The following ATP6V1G1 variants were observed in gnomAD, a reference collection of about 807,000 sequenced individuals.
ATP6V1G1 encodes the protein V-type proton ATPase subunit G 1.
A neutral mutation model predicts 14.2 loss-of-function variants in ATP6V1G1; 14 were observed. The observed-to-expected ratio is 0.99, with a 90% CI of 0.65 to 1.55. The LOEUF (loss-of-function observed/expected upper bound fraction) is 1.55, where lower values mean the gene tolerates loss of function less well. ATP6V1G1 is among the 40% of genes most tolerant of loss of function. The pLI is 0.00. For synonymous variants in ATP6V1G1, 65 were observed against 53.3 expected, an observed-to-expected ratio of 1.22 and a Z score of -0.96; for missense variants, 137 against 146.4, an observed-to-expected ratio of 0.94 and a Z score of 0.33.
intron 1 of ATP6V1G1, among the ~76,000 whole-genome samples, chr9:114,590,382 A>G (rs909112416): frequency 1.3e-5 from 2 of 151,546 alleles, no homozygotes; most frequent in African/African-American, 4.8e-5. Flanking sequence ...TCAGGCTCCC[A>G]AGTAGCTGGG....
chr9:114,592,675 T>C, intron 2 of ATP6V1G1, 23 bp downstream of exon 2: 1 of 1,556,192 alleles, frequency 6.4e-7, no homozygotes, highest in East Asian at 2.4e-5. Context: ...TTGTTTTTGT[T>C]ACTGCTTTAG....
At chr9:114,590,603 A>T (rs1456703722) in intron 1 of ATP6V1G1, among the ~76,000 whole-genome samples, 1 of 151,848 alleles carries the variant, frequency 6.6e-6, no homozygotes, top group East Asian at 1.9e-4. Context: ...GTTAATAGTT[A>T]GGAACAGAGA....
chr9:114,588,125 T>C, intron 1 of ATP6V1G1: 1 of 610,414 alleles, frequency 1.6e-6, no homozygotes, highest in Non-Finnish European at 2.9e-6. Context: ...GATGGTAAAT[T>C]GGGCGTGGAA....
chr9:114,588,941 G>C (rs767760802), intron 1 of ATP6V1G1, among the ~76,000 whole-genome samples: 15 of 152,180 alleles, frequency 9.9e-5, no homozygotes, highest in Non-Finnish European at 1.6e-4. Flanking sequence ...GGCTCTTGTG[G>C]GTCAGGCCTG....
In ATP6V1G1 at chr9:114,597,628, T is replaced by C. The variant is rs1845253416; in HGVS notation, c.242T>C (p.Met81Thr). The change falls in exon 3 of 3, where the codon ATG (methionine) becomes ACG (threonine). Residue 81 changes from methionine (M) to threonine (T), a missense_variant. Physicochemically the swap from Met to Thr is moderately conservative, Grantham distance 81. Transcript: ENST00000374050. Reference protein sequence around the residue: ...TEVEKETQEKMTILQTYFRQN... With the variant: ...TEVEKETQEKTTILQTYFRQN... ...GTGGAGAAGGAGACCCAGGAGAAGATGACCATCCTCCAGACATACTTCCGG... is the reference window on the plus strand; with the variant it reads ...GTGGAGAAGGAGACCCAGGAGAAGACGACCATCCTCCAGACATACTTCCGG... The C allele has an allele frequency of 1.9e-6, 3 of 1,586,044 alleles. No individual in the cohort carries two copies. In the African/African-American group the frequency reaches 4.1e-5, roughly 22 times the overall value.
intron 2 of ATP6V1G1, among the ~76,000 whole-genome samples, chr9:114,594,498 C>G (rs1589313590): frequency 6.6e-6 from 1 of 151,934 alleles, no homozygotes; most frequent in Non-Finnish European, 1.5e-5. Flanking sequence ...ATTCTCCTGC[C>G]TCAGCCTCCC....
chr9:114,593,833 G>A (rs367619675), intron 2 of ATP6V1G1, among the ~76,000 whole-genome samples: 3 of 152,058 alleles, frequency 2.0e-5, no homozygotes, highest in African/African-American at 7.2e-5. Flanking sequence ...ACTCACACCT[G>A]TAATCCCAAT....
chr9:114,591,502 G>A (rs1845181899), intron 1 of ATP6V1G1, among the ~76,000 whole-genome samples: 1 of 152,334 alleles, frequency 6.6e-6, no homozygotes, highest in African/African-American at 2.4e-5. Context: ...GCAGACAGTA[G>A]TAGGCCAGAA....
intron 1 of ATP6V1G1, among the ~76,000 whole-genome samples, chr9:114,588,739 C>G (rs759825263): frequency 4.6e-5 from 7 of 152,082 alleles, no homozygotes; most frequent in Admixed American, 2.0e-4. Flanking sequence ...TGGAAGAACC[C>G]GTTCTGGTCC....
chr9:114,589,473 T>A (rs1052222408), intron 1 of ATP6V1G1, among the ~76,000 whole-genome samples: 1 of 152,106 alleles, frequency 6.6e-6, no homozygotes, highest in African/African-American at 2.4e-5. Context: ...GTGTTTCTCC[T>A]AGTATAGGAG....
intron 2 of ATP6V1G1, among the ~76,000 whole-genome samples, chr9:114,596,632 G>A (rs1056746925): frequency 3.3e-5 from 5 of 152,056 alleles, no homozygotes; most frequent in African/African-American, 1.2e-4. Flanking sequence ...TCTTCCTTGT[G>A]TTTGTTATTC....
At position 114,597,766 on chromosome 9, in the gene ATP6V1G1, G is replaced by C. The variant is rs1845255590; in HGVS notation, c.*23G>C. 1 of 1,503,044 alleles carries C rather than the reference G, an allele frequency of 6.7e-7. No individual in the cohort carries two copies. Among genetic ancestry groups the C allele is most frequent in the Non-Finnish European group, 8.9e-7 (1 of 1,129,914 alleles). The allele number at this position is 1,503,044 out of a possible 1,614,324, so 93.1% of individuals were successfully genotyped here. The stretch of plus-strand genomic sequence containing the variant: ...TAGAAGAGAGAAGCACCTGTGCTGT[G>C]GAGTGGCATTTTAGATGCCCTCACG... On this transcript the variant is annotated 3_prime_UTR_variant, in exon 3 of 3. Transcript: ENST00000374050.
rs139067587 is a variant in ATP6V1G1 at position 114,597,680 on chromosome 9, C to A, written c.294C>A (p.Asn98Lys). Residue 98 changes from asparagine (N) to lysine (K), a missense_variant, in exon 3 of 3, where the codon AAC becomes AAA. Physicochemically the swap from Asn to Lys is moderately conservative, Grantham distance 94. Transcript: ENST00000374050. ...FRQNRDEVLD[N>K]LLAFVCDIRP... is the part of the protein sequence containing the mutation. Reference sequence around the variant, plus strand: ...AGAACAGGGATGAAGTCTTGGACAACCTCTTGGCTTTTGTCTGTGACATTC... The same window carrying A: ...AGAACAGGGATGAAGTCTTGGACAAACTCTTGGCTTTTGTCTGTGACATTC... 1.9e-6 allele frequency: 3 copies of A among 1,594,108 alleles called. No homozygotes were observed. Among genetic ancestry groups the A allele is most frequent in the Non-Finnish European group, 2.6e-6 (3 of 1,172,676 alleles).
intron 1 of ATP6V1G1, 87 bp downstream of exon 1, chr9:114,588,007 A>C (rs1379274117): frequency 7.1e-7 from 1 of 1,401,182 alleles, no homozygotes; most frequent in Non-Finnish European, 9.8e-7. Context: ...AGGCCCGAAA[A>C]ACTGCGGGGT....
Position 114,597,757 on chromosome 9 carries a change from C to T in ATP6V1G1, c.*14C>T, listed in dbSNP as rs773744869. On this transcript the variant is annotated 3_prime_UTR_variant, in exon 3 of 3. Transcript: ENST00000374050. ...ATAAATGGATAGAAGAGAGAAGCAC[C>T]TGTGCTGTGGAGTGGCATTTTAGAT... is the stretch of plus-strand genomic sequence containing the variant. 1.3e-6 allele frequency: 2 copies of T among 1,548,822 alleles called. No homozygotes were observed. Among genetic ancestry groups the T allele is most frequent in the Admixed American group, 2.2e-5 (1 of 45,400 alleles).
rs1845138411 is a variant in ATP6V1G1, at chr9:114,587,848, C to T, written c.10C>T (p.Gln4Ter). The change falls in exon 1 of 3, where the codon CAG becomes TAG. Residue 4 changes from glutamine (Q) to a stop codon, truncating the protein, a stop_gained. Coordinates refer to ENST00000374050, the MANE Select transcript of ATP6V1G1 (RefSeq NM_004888.4). LOFTEE classifies it high-confidence loss of function. MAS[Q>*]SQGIQQLLQA... ...CAGAATCGCTGCCGCCATGGCTAGT[C>T]AGTCTCAGGGGATTCAGCAGCTGCT... 1.3e-6 allele frequency: 2 copies of T among 1,592,464 alleles called. No homozygotes were observed. Among genetic ancestry groups the T allele is most frequent in the Admixed American group, 3.6e-5 (2 of 56,326 alleles).
intron 1 of ATP6V1G1, among the ~76,000 whole-genome samples, chr9:114,588,590 C>T (rs906251938): frequency 6.6e-6 from 1 of 151,604 alleles, no homozygotes; most frequent in South Asian, 2.1e-4. Flanking sequence ...AGTTGTCTCC[C>T]CTAACGTGGC....
rs1286443326 is a variant in ATP6V1G1, at chr9:114,598,694, T to A, written c.*951T>A. Among the ~76,000 whole-genome samples the A allele has an allele frequency of 6.6e-6, 1 of 152,236 alleles. No homozygotes were observed. Among genetic ancestry groups the A allele is most frequent in the Non-Finnish European group, 1.5e-5 (1 of 68,044 alleles). ...CATATTTCCTTCCTGGTGGGCTAGA[T>A]GATGTGCATTATACCTGTAGTACCT... On this transcript the variant is annotated 3_prime_UTR_variant, in exon 3 of 3. Transcript: ENST00000374050.
At chr9:114,594,861 CTTTT>C (rs71997716) in intron 2 of ATP6V1G1, among the ~76,000 whole-genome samples, 10 of 110,566 alleles carry the variant, frequency 9.0e-5, no homozygotes, top group Non-Finnish European at 1.4e-4. Flanking sequence ...TTCTTTTTTT[CTTTT>C]TTTTTTTTTT....
Sources: allele counts gnomAD v4.1 joint callset (sites outside exome capture counted in the v4.1 genomes callset), GRCh38; gene constraint gnomAD v4.1.1; transcripts MANE v1.5; gene names NCBI Gene and HGNC (gene_info 2026-07-23, HGNC 2026-07-21).